The following CACNG2 variants were observed in gnomAD, a reference collection of about 807,000 sequenced individuals.
CACNG2 encodes calcium voltage-gated channel auxiliary subunit gamma 2.
A neutral mutation model predicts 25.9 loss-of-function variants in CACNG2; 3 were observed. The observed-to-expected ratio is 0.12, with a 90% confidence interval of 0.05 to 0.30. CACNG2 has a LOEUF of 0.30. Ranked by LOEUF, CACNG2 falls within the 10% of genes least tolerant of loss-of-function variation. The probability of loss-of-function intolerance (pLI) is 1.00; values close to 1 mark genes in which losing one functional copy is unlikely to be tolerated. For missense variants in CACNG2, 341 were observed against 432.5 expected (o/e 0.79, Z 1.88); for synonymous variants, 167 against 173.3 (o/e 0.96, Z 0.29).
chr22:36,673,991 C>T (rs749417253), intron 1 of CACNG2, among the ~76,000 whole-genome samples: 1 of 152,180 alleles, frequency 6.6e-6, no homozygotes, highest in African/African-American at 2.4e-5. Flanking sequence ...CTCGATAGCA[C>T]GCAATCGCTG....
At position 36,683,479 on chromosome 22, in the gene CACNG2, G is replaced by A. The variant is rs549446798; in HGVS notation, c.211+18887C>T. Among the ~76,000 whole-genome samples the A allele has an allele frequency of 2.6e-5, 4 of 152,308 alleles. No homozygotes were observed. In the East Asian group the frequency reaches 7.7e-4, roughly 29 times the overall value. On this transcript the variant is annotated intron_variant, in intron 1 of 3. Coordinates refer to ENST00000300105, the MANE Select transcript of CACNG2 (RefSeq NM_006078.5). The stretch of plus-strand genomic sequence containing the variant: ...ATCCTACACTATCTCTCTTAGGCTT[G>A]TGAGTCATATTATCCCAGCCCTTCC...
intron 2 of CACNG2, among the ~76,000 whole-genome samples, chr22:36,582,548 G>A (rs1385192067): frequency 6.6e-6 from 1 of 151,886 alleles, no homozygotes; most frequent in African/African-American, 2.4e-5. Context: ...TGGGAATACA[G>A]GCATGCACCA....
At chr22:36,607,214 A>G (rs1935851912) in intron 1 of CACNG2, among the ~76,000 whole-genome samples, 1 of 151,960 alleles carries the variant, frequency 6.6e-6, no homozygotes. Context: ...AATATACCTT[A>G]ATTTTCTAAC....
chr22:36,676,243 T>C (rs1247297262), intron 1 of CACNG2, among the ~76,000 whole-genome samples: 1 of 152,246 alleles, frequency 6.6e-6, no homozygotes, highest in Non-Finnish European at 1.5e-5. Flanking sequence ...ACGTGTACTT[T>C]GCACTTTGAC....
At chr22:36,610,567 A>T (rs1935924608) in intron 1 of CACNG2, among the ~76,000 whole-genome samples, 1 of 152,212 alleles carries the variant, frequency 6.6e-6, no homozygotes, top group African/African-American at 2.4e-5. Flanking sequence ...CAGGATGAGA[A>T]GGCCAGAATC....
chr22:36,590,146 A>G (rs1935565580), intron 1 of CACNG2, among the ~76,000 whole-genome samples: 1 of 152,162 alleles, frequency 6.6e-6, no homozygotes, highest in African/African-American at 2.4e-5. Context: ...ACAGGAGCTC[A>G]CATTCTACGG....
chr22:36,650,354 T>C (rs568173004), intron 1 of CACNG2, among the ~76,000 whole-genome samples: 4 of 152,006 alleles, frequency 2.6e-5, no homozygotes, highest in Admixed American at 2.6e-4. Flanking sequence ...CCAAACACAC[T>C]GGCCTCCTTG....
chr22:36,675,571 A>G (rs1363672557), intron 1 of CACNG2, among the ~76,000 whole-genome samples: 1 of 152,204 alleles, frequency 6.6e-6, no homozygotes, highest in African/African-American at 2.4e-5. Context: ...CCTGGGAACT[A>G]TGTCCCATTC....
chr22:36,645,548 A>AAG (rs1936508905), intron 1 of CACNG2, among the ~76,000 whole-genome samples: 1 of 13,206 alleles, frequency 7.6e-5, no homozygotes, highest in Admixed American at 8.0e-4. Flanking sequence ...AAAAAAAAAA[A>AAG]AAAAAAAAAA....
intron 1 of CACNG2, among the ~76,000 whole-genome samples, chr22:36,679,965 C>G (rs1937075669): frequency 6.6e-6 from 1 of 152,020 alleles, no homozygotes; most frequent in Admixed American, 6.6e-5. Context: ...CCACCTGCAT[C>G]ACAATCATTA....
chr22:36,699,680 A>C (rs1422976103), intron 1 of CACNG2, among the ~76,000 whole-genome samples: 1 of 151,914 alleles, frequency 6.6e-6, no homozygotes, highest in Non-Finnish European at 1.5e-5. Flanking sequence ...TTGAAAGTCC[A>C]ATTTTTCACA....
Position 36,691,353 on chromosome 22 carries a change from T to G in CACNG2, c.211+11013A>C, listed in dbSNP as rs536440393. ...TATTCACTTCCGCACCTTCACAAAC[T>G]GCAAGGAGACTGATGTCCTTGCATT... On this transcript the variant is annotated intron_variant, in intron 1 of 3. Transcript: ENST00000300105. Among the ~76,000 whole-genome samples, 28 of 152,276 alleles carry G rather than the reference T, an allele frequency of 1.8e-4. No individual in the cohort carries two copies. In the South Asian group the frequency reaches 4.6e-3, roughly 25 times the overall value.
chr22:36,672,177 G>A (rs1257061746), intron 1 of CACNG2, among the ~76,000 whole-genome samples: 2 of 149,434 alleles, frequency 1.3e-5, no homozygotes, highest in Non-Finnish European at 3.0e-5. Flanking sequence ...TTCTTTTTTT[G>A]AGACAGGGTT....
chr22:36,613,101 T>C (rs568634674), intron 1 of CACNG2, among the ~76,000 whole-genome samples: 65 of 152,056 alleles, frequency 4.3e-4, no homozygotes, highest in African/African-American at 1.6e-3. Context: ...TGTCAAACTC[T>C]AATGTGGGAA....
chr22:36,602,479 A>G (rs564825602), intron 1 of CACNG2, among the ~76,000 whole-genome samples: 1 of 152,146 alleles, frequency 6.6e-6, no homozygotes, highest in African/African-American at 2.4e-5. Context: ...TTTGCCTCCT[A>G]GGTTCAAGCG....
intron 1 of CACNG2, among the ~76,000 whole-genome samples, chr22:36,671,766 C>G (rs545560285): frequency 6.6e-6 from 1 of 152,142 alleles, no homozygotes; most frequent in Admixed American, 6.6e-5. Context: ...AGAGTCTGCA[C>G]GGGGCCTCTG....
chr22:36,605,965 C>A (rs1319968303), intron 1 of CACNG2, among the ~76,000 whole-genome samples: 4 of 152,212 alleles, frequency 2.6e-5, no homozygotes, highest in Admixed American at 2.6e-4. Flanking sequence ...GTGTCAACAG[C>A]CCTAAATTCA....
intron 1 of CACNG2, among the ~76,000 whole-genome samples, chr22:36,601,084 T>C (rs1310660347): frequency 1.3e-5 from 2 of 152,230 alleles, no homozygotes; most frequent in Non-Finnish European, 2.9e-5. Flanking sequence ...ATTAGAGCTC[T>C]GGACTTGTTC....
chr22:36,635,267 G>C (rs927376325), intron 1 of CACNG2, among the ~76,000 whole-genome samples: 2 of 145,396 alleles, frequency 1.4e-5, no homozygotes, highest in African/African-American at 2.6e-5. Flanking sequence ...CTGGGCAACA[G>C]AGCGAGACCC....
Sources: allele counts gnomAD v4.1 joint callset (sites outside exome capture counted in the v4.1 genomes callset), GRCh38; gene constraint gnomAD v4.1.1; transcripts MANE v1.5; gene names NCBI Gene and HGNC (gene_info 2026-07-23, HGNC 2026-07-21).